The following OSBPL1A variants were observed in gnomAD, a reference collection of about 807,000 sequenced individuals.
OSBPL1A encodes oxysterol-binding protein-related protein 1.
In OSBPL1A, 80 loss-of-function variants were observed where a neutral mutation model predicts 137.1. The observed-to-expected ratio is 0.58, with a 90% CI of 0.49 to 0.70. The LOEUF is 0.70. Ranked by LOEUF, OSBPL1A falls within the 30% of genes least tolerant of loss-of-function variation. The pLI is 0.00. For missense variants in OSBPL1A, 970 were observed against 1,129.4 expected, an observed-to-expected ratio of 0.86 and a Z score of 2.02; for synonymous variants, 365 against 389.7, an observed-to-expected ratio of 0.94 and a Z score of 0.75.
At chr18:24,352,316 A>C (rs989976677) in intron 4 of OSBPL1A, among the ~76,000 whole-genome samples, 2 of 152,178 alleles carry the variant, frequency 1.3e-5, no homozygotes, top group Non-Finnish European at 2.9e-5. Context: ...ACAAACAAAC[A>C]AAAAGAATGG....
intron 5 of OSBPL1A, among the ~76,000 whole-genome samples, chr18:24,339,713 G>A (rs2091241542): frequency 6.6e-6 from 1 of 152,146 alleles, no homozygotes. Context: ...AATTATTAAA[G>A]GGCAGGAACC....
intron 4 of OSBPL1A, among the ~76,000 whole-genome samples, chr18:24,352,436 A>G (rs2091457183): frequency 6.6e-6 from 1 of 152,230 alleles, no homozygotes; most frequent in Non-Finnish European, 1.5e-5. Context: ...AAATGGAAGA[A>G]CATTTCATGC....
At chr18:24,163,532 T>G (rs2086069982) in intron 27 of OSBPL1A, among the ~76,000 whole-genome samples, 1 of 152,182 alleles carries the variant, frequency 6.6e-6, no homozygotes, top group South Asian at 2.1e-4. Flanking sequence ...GCAAGCTACT[T>G]GACAGAAGCA....
chr18:24,397,042 C>A (rs1196855717), intron 1 of OSBPL1A, among the ~76,000 whole-genome samples: 7 of 152,208 alleles, frequency 4.6e-5, no homozygotes, highest in Non-Finnish European at 8.8e-5. Context: ...TGCCTAAAAA[C>A]GACAACTTGA....
chr18:24,382,924 A>G (rs1906704032), intron 1 of OSBPL1A, among the ~76,000 whole-genome samples: 1 of 152,160 alleles, frequency 6.6e-6, no homozygotes, highest in Non-Finnish European at 1.5e-5. Flanking sequence ...AATAATTTAT[A>G]AAACTATGAA....
At chr18:24,354,733 A>C (rs1273545045) in intron 4 of OSBPL1A, among the ~76,000 whole-genome samples, 4 of 129,326 alleles carry the variant, frequency 3.1e-5, no homozygotes, top group Admixed American at 8.8e-5. Context: ...ACAAGGCAGT[A>C]GTTTCTCAAT....
At chr18:24,205,454 G>A (rs1003992497) in intron 17 of OSBPL1A, among the ~76,000 whole-genome samples, 1 of 152,086 alleles carries the variant, frequency 6.6e-6, no homozygotes, top group Non-Finnish European at 1.5e-5. Context: ...GGCAAGGGTA[G>A]GTATTGTTAA....
chr18:24,169,291 T>G (rs2086215541), intron 24 of OSBPL1A, among the ~76,000 whole-genome samples: 2 of 152,200 alleles, frequency 1.3e-5, no homozygotes, highest in African/African-American at 4.8e-5. Flanking sequence ...ATACACCTTC[T>G]GCTTTTGAGG....
intron 15 of OSBPL1A, among the ~76,000 whole-genome samples, chr18:24,254,304 CA>C (rs1340809033): frequency 2.0e-5 from 3 of 152,116 alleles, no homozygotes; most frequent in Non-Finnish European, 4.4e-5. Context: ...GACAGAAAAT[CA>C]ACAAAGAAAC....
chr18:24,308,933 G>A (rs1292924262), intron 13 of OSBPL1A, among the ~76,000 whole-genome samples: 1 of 152,022 alleles, frequency 6.6e-6, no homozygotes, highest in Non-Finnish European at 1.5e-5. Context: ...ACCATGCCTG[G>A]CTAATTTTTG....
At chr18:24,252,894 T>A (rs2089143438) in intron 15 of OSBPL1A, among the ~76,000 whole-genome samples, 1 of 151,572 alleles carries the variant, frequency 6.6e-6, no homozygotes, top group African/African-American at 2.4e-5. Context: ...AGCGTTGTCA[T>A]CAGTTTAAAA....
chr18:24,203,674 A>G (rs2087286981), intron 17 of OSBPL1A, among the ~76,000 whole-genome samples: 1 of 152,036 alleles, frequency 6.6e-6, no homozygotes, highest in African/African-American at 2.4e-5. Flanking sequence ...CCTATAATCC[A>G]TGTTAAGAAG....
chr18:24,242,044 A>C (rs1254156841), intron 15 of OSBPL1A, among the ~76,000 whole-genome samples: 1 of 151,630 alleles, frequency 6.6e-6, no homozygotes, highest in Non-Finnish European at 1.5e-5. Flanking sequence ...TCAAACACCG[A>C]ATGTTCTCAC....
intron 17 of OSBPL1A, among the ~76,000 whole-genome samples, chr18:24,211,663 T>TA (rs55928349): frequency 0.21 from 29,923 of 144,104 alleles, 3,334 homozygotes; most frequent in South Asian, 0.26. Context: ...ACAAGGCAGT[T>TA]AAAAAAAAAA....
intron 14 of OSBPL1A, among the ~76,000 whole-genome samples, chr18:24,292,948 A>G (rs947517423): frequency 4.6e-5 from 7 of 151,900 alleles, no homozygotes; most frequent in African/African-American, 1.7e-4. Context: ...TCTACTAAAA[A>G]TATAAAAATT....
chr18:24,164,506 G>T (rs2086098272), intron 27 of OSBPL1A, among the ~76,000 whole-genome samples: 1 of 130,746 alleles, frequency 7.6e-6, no homozygotes. Flanking sequence ...TCAGCTCACT[G>T]CAAGCTCTGC....
rs2091196164 is a variant in OSBPL1A, at chr18:24,337,468, G to C, written c.395-3138C>G. ...TGCCTATAGTCCTAACTACTTGGGA[G>C]GCTGAGGCAGAAGAGTCGCTTGAGC... On this transcript the variant is annotated intron_variant, in intron 5 of 27. Transcript: ENST00000319481. Among the ~76,000 whole-genome samples the C allele has an allele frequency of 2.0e-5, 3 of 148,668 alleles. No homozygotes were observed. The South Asian group carries it at 6.4e-4, about 31-fold the overall frequency.
chr18:24,211,179 C>A (rs1054551164), intron 17 of OSBPL1A, among the ~76,000 whole-genome samples: 2 of 151,972 alleles, frequency 1.3e-5, no homozygotes, highest in Non-Finnish European at 2.9e-5. Context: ...GTTGGCCAGG[C>A]TGGTCTCGAA....
chr18:24,284,425 T>C (rs2090028898), intron 14 of OSBPL1A, among the ~76,000 whole-genome samples: 1 of 152,172 alleles, frequency 6.6e-6, no homozygotes, highest in Non-Finnish European at 1.5e-5. Context: ...ACTAAAAACG[T>C]TTTTAAAGTC....
Sources: gnomAD v4.1 joint callset for allele counts (sites outside exome capture counted in the v4.1 genomes callset) on GRCh38, gnomAD v4.1.1 for gene constraint, MANE v1.5 for transcripts, NCBI Gene and HGNC (gene_info 2026-07-23, HGNC 2026-07-21) for gene names.